CHRM3: variants seen among roughly 807,000 people sequenced by gnomAD.
The protein encoded by CHRM3 is muscarinic acetylcholine receptor M3.
In CHRM3, 11 loss-of-function variants were observed where a neutral mutation model predicts 41.8. The observed-to-expected ratio is 0.26, with a 90% CI of 0.17 to 0.44. The LOEUF (loss-of-function observed/expected upper bound fraction) is 0.44, where lower values mean the gene tolerates loss of function less well. Ranked by LOEUF, CHRM3 falls within the 20% of genes least tolerant of loss-of-function variation. The pLI, the probability that CHRM3 is intolerant of heterozygous loss-of-function variation, is 1.00. For synonymous variants in CHRM3, 297 were observed against 301.4 expected (o/e 0.99, Z 0.15); for missense variants, 571 against 745.4 (o/e 0.77, Z 2.72).
chr1:239,546,157 G>A (rs1659277497), intron 3 of CHRM3: 1 of 152,110 alleles, frequency 6.6e-6, no homozygotes, highest in Non-Finnish European at 1.5e-5. Context: ...GGTATTTGAT[G>A]TGCTTCCACT....
At chr1:239,608,272 G>C (rs1666584756) in intron 3 of CHRM3, among the ~76,000 whole-genome samples, 1 of 152,146 alleles carries the variant, frequency 6.6e-6, no homozygotes, top group Non-Finnish European at 1.5e-5. Context: ...GCCATGGTAG[G>C]TGTAGGATGC....
intron 6 of CHRM3, among the ~76,000 whole-genome samples, chr1:239,839,731 G>A (rs952794821): frequency 3.3e-5 from 5 of 150,900 alleles, no homozygotes; most frequent in Non-Finnish European, 3.0e-5. Flanking sequence ...AAAGGGGAGA[G>A]TGACATACAA....
chr1:239,837,634 A>G (rs1051374313), intron 6 of CHRM3, among the ~76,000 whole-genome samples: 6 of 152,246 alleles, frequency 3.9e-5, no homozygotes, highest in African/African-American at 1.2e-4. Flanking sequence ...GTGAACTTGA[A>G]TTCCAGCAAA....
intron 5 of CHRM3, among the ~76,000 whole-genome samples, chr1:239,741,099 T>C (rs1044589165): frequency 8.5e-5 from 13 of 152,154 alleles, no homozygotes; most frequent in Non-Finnish European, 1.3e-4. Context: ...AAGGTTCCCA[T>C]AACAAAAATT....
At chr1:239,779,310 A>G (rs2790329) in intron 5 of CHRM3, among the ~76,000 whole-genome samples, 123,151 of 152,170 alleles carry the variant, frequency 0.81, 50,160 homozygotes, top group East Asian at 0.87. Flanking sequence ...ATGCATCAAC[A>G]TTGACACATC....
intron 6 of CHRM3, among the ~76,000 whole-genome samples, chr1:239,831,005 T>A (rs976066188): frequency 4.6e-5 from 7 of 152,208 alleles, no homozygotes; most frequent in African/African-American, 1.4e-4. Flanking sequence ...TTTTTTTTTT[T>A]AATATGGACT....
intron 1 of CHRM3, among the ~76,000 whole-genome samples, chr1:239,463,893 A>G (rs1383381754): frequency 6.6e-6 from 1 of 152,126 alleles, no homozygotes; most frequent in Non-Finnish European, 1.5e-5. Flanking sequence ...TTATTCTATG[A>G]ATTTCAGGAT....
chr1:239,397,107 T>G (rs918426186), intron 1 of CHRM3, among the ~76,000 whole-genome samples: 1 of 152,222 alleles, frequency 6.6e-6, no homozygotes, highest in African/African-American at 2.4e-5. Flanking sequence ...GCTATACTTA[T>G]GTCTTTAGGC....
intron 5 of CHRM3, among the ~76,000 whole-genome samples, chr1:239,741,659 G>T (rs1175116643): frequency 6.7e-6 from 1 of 148,626 alleles, no homozygotes; most frequent in African/African-American, 2.5e-5. Flanking sequence ...GTCAAATGTT[G>T]GTTGAATTCA....
Position 239,518,270 on chromosome 1 carries a change from G to A in CHRM3, c.-422+25463G>A, listed in dbSNP as rs540985615. Reference sequence around the variant, plus strand: ...CTCATTAAATATATGCAGGAGAATAGTAAATGTAATGGAAGCCTTTCACCT... The same window carrying A: ...CTCATTAAATATATGCAGGAGAATAATAAATGTAATGGAAGCCTTTCACCT... On this transcript the variant is annotated intron_variant, in intron 2 of 6. Transcript: ENST00000676153. Among the ~76,000 whole-genome samples the A allele has an allele frequency of 3.3e-5, 5 of 152,352 alleles. No individual in the cohort carries two copies. The South Asian group carries it at 1.0e-3, about 32-fold the overall frequency.
intron 1 of CHRM3, among the ~76,000 whole-genome samples, chr1:239,449,192 A>G (rs1658483465): frequency 6.6e-6 from 1 of 152,166 alleles, no homozygotes. Flanking sequence ...CTGCATTTAC[A>G]ATTCTGCTGT....
intron 3 of CHRM3, among the ~76,000 whole-genome samples, chr1:239,575,774 C>T (rs1215039127): frequency 6.6e-6 from 1 of 151,382 alleles, no homozygotes; most frequent in Non-Finnish European, 1.5e-5. Context: ...TATATATACA[C>T]ACACAGGGTT....
intron 1 of CHRM3, among the ~76,000 whole-genome samples, chr1:239,401,929 G>A (rs1660012282): frequency 6.6e-6 from 1 of 152,124 alleles, no homozygotes; most frequent in African/African-American, 2.4e-5. Flanking sequence ...CCATGTCTAA[G>A]TTTCTATGTA....
In CHRM3 at chr1:239,840,844, C is replaced by T. The variant is rs560615632; in HGVS notation, c.-20+13466C>T. 3.3e-5 allele frequency among the ~76,000 whole-genome samples: 5 copies of T among 152,270 alleles called. 1 individual carries two copies. Among genetic ancestry groups the T allele is most frequent in the Admixed American group, 1.3e-4 (2 of 15,294 alleles). ...TGGCTTCAGTTTGTAGAATGGTATT[C>T]GGAAAATTGAGTACCGTCACTGTTT... On this transcript the variant is annotated intron_variant, in intron 6 of 6. Coordinates refer to ENST00000676153, the MANE Select transcript of CHRM3 (RefSeq NM_001375978.1).
chr1:239,388,513 C>A (rs896628094), intron 1 of CHRM3, among the ~76,000 whole-genome samples: 1 of 152,076 alleles, frequency 6.6e-6, no homozygotes, highest in African/African-American at 2.4e-5. Flanking sequence ...TCGCATGAAC[C>A]ATTCATCATT....
intron 6 of CHRM3, among the ~76,000 whole-genome samples, chr1:239,860,435 T>C (rs1292877140): frequency 6.6e-6 from 1 of 152,204 alleles, no homozygotes; most frequent in African/African-American, 2.4e-5. Context: ...TATCTATTAA[T>C]TATTTCTAAA....
chr1:239,827,819 G>A (rs144499384), intron 6 of CHRM3, among the ~76,000 whole-genome samples: 65 of 152,088 alleles, frequency 4.3e-4, no homozygotes, highest in African/African-American at 1.3e-3. Flanking sequence ...TAATTCATTC[G>A]AGGCAGTAAG....
chr1:239,530,209 A>T (rs1325045815), intron 2 of CHRM3, among the ~76,000 whole-genome samples: 1 of 151,690 alleles, frequency 6.6e-6, no homozygotes, highest in East Asian at 1.9e-4. Flanking sequence ...GGCCCAAATT[A>T]TTTTTTTTGT....
At chr1:239,666,775 C>T (rs1364682610) in intron 4 of CHRM3, among the ~76,000 whole-genome samples, 1 of 152,050 alleles carries the variant, frequency 6.6e-6, no homozygotes, top group African/African-American at 2.4e-5. Context: ...ATCCCGTTAC[C>T]CAGGAAGTGA....
Sources: gnomAD v4.1 joint callset for allele counts (sites outside exome capture counted in the v4.1 genomes callset) on GRCh38, gnomAD v4.1.1 for gene constraint, MANE v1.5 for transcripts, NCBI Gene and HGNC (gene_info 2026-07-23, HGNC 2026-07-21) for gene names.